Variants in LCORL observed in about 807,000 individuals in gnomAD.
The protein encoded by LCORL is ligand-dependent nuclear receptor corepressor-like protein.
In LCORL, 41 loss-of-function variants were observed where a neutral mutation model predicts 141.8. That is an observed-to-expected ratio of 0.29 (90% confidence interval 0.23 to 0.38). The LOEUF (loss-of-function observed/expected upper bound fraction) is 0.38. Ranked by LOEUF, LCORL falls within the 10% of genes least tolerant of loss-of-function variation. LCORL has a pLI of 1.00. For missense variants in LCORL, 1,759 were observed against 2,035.0 expected (o/e 0.86, Z 2.61); for synonymous variants, 618 against 694.1 (o/e 0.89, Z 1.72).
intron 7 of LCORL, among the ~76,000 whole-genome samples, chr4:17,858,331 A>C (rs926323606): frequency 1.3e-5 from 2 of 152,148 alleles, no homozygotes; most frequent in African/African-American, 4.8e-5. Context: ...AGGAAAAAAA[A>C]AAACTAAACA....
chr4:17,897,416 A>G (rs934072362), intron 5 of LCORL, among the ~76,000 whole-genome samples: 3 of 151,734 alleles, frequency 2.0e-5, no homozygotes, highest in Non-Finnish European at 2.9e-5. Context: ...GTGGAAAAAC[A>G]GTAATATTTT....
At chr4:17,961,433 T>G (rs1399232283) in intron 4 of LCORL, among the ~76,000 whole-genome samples, 1 of 151,986 alleles carries the variant, frequency 6.6e-6, no homozygotes, top group Non-Finnish European at 1.5e-5. Flanking sequence ...ACTAAGCAAA[T>G]TAAAGTTACC....
intron 1 of LCORL, among the ~76,000 whole-genome samples, chr4:18,017,535 G>C (rs1325900690): frequency 6.6e-6 from 1 of 152,070 alleles, no homozygotes; most frequent in East Asian, 1.9e-4. Context: ...TCTCTTAAGT[G>C]GTATTCCTGC....
At chr4:17,849,993 T>C (rs900605319) in intron 7 of LCORL, among the ~76,000 whole-genome samples, 2 of 151,662 alleles carry the variant, frequency 1.3e-5, no homozygotes, top group Non-Finnish European at 3.0e-5. Context: ...TACAACTATC[T>C]GATCTTTGAC....
At chr4:17,937,303 C>T (rs1737026858) in intron 4 of LCORL, among the ~76,000 whole-genome samples, 1 of 152,166 alleles carries the variant, frequency 6.6e-6, no homozygotes, top group Admixed American at 6.5e-5. Flanking sequence ...AGCAGCCATA[C>T]TATATCAGAC....
intron 7 of LCORL, among the ~76,000 whole-genome samples, chr4:17,859,703 A>C (rs1724774776): frequency 6.6e-6 from 1 of 152,210 alleles, no homozygotes; most frequent in Admixed American, 6.5e-5. Context: ...ACAGAAGTAA[A>C]AGCACAAAGA....
chr4:17,990,700 G>A (rs1719852832), intron 1 of LCORL, among the ~76,000 whole-genome samples: 1 of 146,162 alleles, frequency 6.8e-6, no homozygotes, highest in Non-Finnish European at 1.5e-5. Flanking sequence ...GTACAGGTAA[G>A]CAGGTCTCAG....
At chr4:17,891,709 C>T (rs772276218) in intron 5 of LCORL, among the ~76,000 whole-genome samples, 1 of 151,604 alleles carries the variant, frequency 6.6e-6, no homozygotes, top group East Asian at 1.9e-4. Context: ...TTAAAAGGTA[C>T]GATATAAAAT....
chr4:17,918,924 G>T (rs1238405032), intron 4 of LCORL, among the ~76,000 whole-genome samples: 2 of 151,610 alleles, frequency 1.3e-5, no homozygotes, highest in Non-Finnish European at 2.9e-5. Context: ...CAAAGACAAA[G>T]AATAAATTTT....
intron 5 of LCORL, among the ~76,000 whole-genome samples, chr4:17,897,811 C>A (rs1317171480): frequency 6.6e-6 from 1 of 152,106 alleles, no homozygotes; most frequent in Non-Finnish European, 1.5e-5. Context: ...ACAAGATGTT[C>A]CAGGCTCATC....
intron 4 of LCORL, among the ~76,000 whole-genome samples, chr4:17,940,355 G>A (rs912595645): frequency 1.9e-4 from 28 of 144,450 alleles, no homozygotes; most frequent in Admixed American, 1.0e-3. Context: ...TTAAGCCCAC[G>A]GGCTCCTTCT....
intron 4 of LCORL, chr4:17,911,701 TCCACCAG>T: frequency 6.0e-6 from 3 of 503,440 alleles, no homozygotes; most frequent in South Asian, 4.6e-5. Context: ...CTCCACCTTC[TCCACCAG>T]CTACTGTTTC....
chr4:18,003,929 G>A (rs1722384642), intron 1 of LCORL, among the ~76,000 whole-genome samples: 1 of 152,196 alleles, frequency 6.6e-6, no homozygotes, highest in South Asian at 2.1e-4. Context: ...GGGGAGGGGT[G>A]CACCACACAC....
intron 1 of LCORL, among the ~76,000 whole-genome samples, chr4:17,998,964 CAA>C (rs775544332): frequency 2.1e-3 from 94 of 44,812 alleles, no homozygotes; most frequent in African/African-American, 8.7e-3. Flanking sequence ...GACCCTGTCT[CAA>C]AAAAAAAAAA....
intron 1 of LCORL, among the ~76,000 whole-genome samples, chr4:17,992,188 C>T (rs1015838988): frequency 5.9e-5 from 9 of 152,140 alleles, no homozygotes; most frequent in African/African-American, 1.9e-4. Flanking sequence ...AAATAACTTA[C>T]GATCATGGTG....
exon 7 of LCORL, chr4:17,876,674 A>C: frequency 8.1e-7 from 1 of 1,230,842 alleles, no homozygotes; most frequent in Non-Finnish European, 1.0e-6. Flanking sequence ...TATTTCGTTT[A>C]GTTCTGCTCA....
At chr4:17,880,750 A>G (rs1430485139) in intron 6 of LCORL, 7 of 966,330 alleles carry the variant, frequency 7.2e-6, no homozygotes, top group Non-Finnish European at 8.6e-6. Flanking sequence ...AATTCATACA[A>G]TCAGATTTAG....
intron 1 of LCORL, among the ~76,000 whole-genome samples, chr4:18,006,841 T>C (rs1034684112): frequency 3.9e-5 from 6 of 152,234 alleles, no homozygotes; most frequent in South Asian, 2.1e-4. Context: ...AGCCAAACCA[T>C]ATCACATATA....
intron 4 of LCORL, chr4:17,912,110 C>T (rs1444576967): frequency 2.3e-5 from 18 of 777,036 alleles, no homozygotes; most frequent in African/African-American, 1.7e-5. Flanking sequence ...GACGTGAGGG[C>T]TCAAATTTTC....
Sources: allele counts gnomAD v4.1 joint callset (sites outside exome capture counted in the v4.1 genomes callset), GRCh38; gene constraint gnomAD v4.1.1; transcripts MANE v1.5; gene names NCBI Gene and HGNC (gene_info 2026-07-23, HGNC 2026-07-21).